The following SOX5 variants were observed in gnomAD, a reference collection of about 807,000 sequenced individuals.
SOX5 encodes the protein transcription factor SOX-5.
SOX5 carries 9 observed loss-of-function variants against 92.0 expected under a neutral mutation model. That is an observed-to-expected ratio of 0.10 (90% CI 0.06 to 0.17). The LOEUF (loss-of-function observed/expected upper bound fraction) is 0.17. Ranked by LOEUF, SOX5 falls within the 10% of genes least tolerant of loss-of-function variation. The pLI, the probability that SOX5 is intolerant of heterozygous loss-of-function variation, is 1.00. For synonymous variants in SOX5, 344 were observed against 336.3 expected, an observed-to-expected ratio of 1.02 and a Z score of -0.25; for missense variants, 642 against 944.5, an observed-to-expected ratio of 0.68 and a Z score of 4.20.
chr12:24,326,781 T>TACACACACAGACACACACAC (rs1306084119), intron 2 of SOX5, among the ~76,000 whole-genome samples: 2 of 42,406 alleles, frequency 4.7e-5, no homozygotes, highest in South Asian at 3.4e-3. Context: ...CACCCATTCA[T>TACACACACAGACACACACAC]ACACACACAT....
chr12:24,051,569 T>C (rs367975295), intron 4 of SOX5, among the ~76,000 whole-genome samples: 84 of 152,304 alleles, frequency 5.5e-4, no homozygotes, highest in African/African-American at 1.9e-3. Context: ...AGTAATTTTT[T>C]ACATTTAAGA....
At chr12:23,874,545 A>C (rs966453144) in intron 2 of SOX5, among the ~76,000 whole-genome samples, 2 of 152,232 alleles carry the variant, frequency 1.3e-5, no homozygotes, top group African/African-American at 4.8e-5. Flanking sequence ...CCATCCAGTA[A>C]AGACTTGTCA....
At chr12:24,028,016 A>G (rs17482141) in intron 4 of SOX5, among the ~76,000 whole-genome samples, 19,784 of 151,966 alleles carry the variant, frequency 0.13, 1,449 homozygotes, top group Non-Finnish European at 0.17. Flanking sequence ...TGCAATTCCT[A>G]GATTTCATCA....
chr12:23,917,888 A>G (rs1264973960), intron 1 of SOX5, among the ~76,000 whole-genome samples: 1 of 152,224 alleles, frequency 6.6e-6, no homozygotes, highest in East Asian at 1.9e-4. Flanking sequence ...AATGGAAATT[A>G]TAATGGTATG....
At chr12:23,700,103 C>T (rs1490174594) in intron 6 of SOX5, among the ~76,000 whole-genome samples, 1 of 152,152 alleles carries the variant, frequency 6.6e-6, no homozygotes, top group African/African-American at 2.4e-5. Flanking sequence ...ACCAGAACTG[C>T]TCTGTAAGCC....
At chr12:24,182,095 C>T (rs1049598941) in intron 4 of SOX5, among the ~76,000 whole-genome samples, 4 of 152,004 alleles carry the variant, frequency 2.6e-5, no homozygotes. Context: ...TGAATATGGT[C>T]CCCCAAATTT....
At chr12:24,178,218 C>T (rs1397537009) in intron 4 of SOX5, among the ~76,000 whole-genome samples, 2 of 148,128 alleles carry the variant, frequency 1.4e-5, no homozygotes, top group East Asian at 2.0e-4. Context: ...GTACAAACAC[C>T]TTAGAGTAAC....
At chr12:23,717,775 T>C (rs899880373) in intron 6 of SOX5, among the ~76,000 whole-genome samples, 1 of 152,172 alleles carries the variant, frequency 6.6e-6, no homozygotes, top group Non-Finnish European at 1.5e-5. Flanking sequence ...ATAAAGTAAA[T>C]ACAGCACATC....
At chr12:23,876,697 AT>A (rs1432797506) in intron 2 of SOX5, among the ~76,000 whole-genome samples, 1 of 152,218 alleles carries the variant, frequency 6.6e-6, no homozygotes, top group Admixed American at 6.5e-5. Flanking sequence ...ATGCACACTT[AT>A]GTTTATTGCA....
At chr12:23,941,270 C>A (rs1459406438) in intron 1 of SOX5, among the ~76,000 whole-genome samples, 3 of 151,482 alleles carry the variant, frequency 2.0e-5, no homozygotes, top group Non-Finnish European at 3.0e-5. Flanking sequence ...TTATAAAAGT[C>A]CAAATATGTT....
chr12:23,966,858 T>C (rs1043790331), intron 4 of SOX5, among the ~76,000 whole-genome samples: 1 of 152,164 alleles, frequency 6.6e-6, no homozygotes, highest in Non-Finnish European at 1.5e-5. Context: ...GTTTATAAAC[T>C]TTAAAAAGTA....
intron 4 of SOX5, among the ~76,000 whole-genome samples, chr12:24,112,820 A>C (rs1367996887): frequency 4.6e-5 from 7 of 151,906 alleles, no homozygotes; most frequent in Non-Finnish European, 8.8e-5. Flanking sequence ...GGTTCTAGGC[A>C]TGAGCCACCA....
At chr12:23,927,880 A>C (rs1940409786) in intron 1 of SOX5, among the ~76,000 whole-genome samples, 1 of 152,072 alleles carries the variant, frequency 6.6e-6, no homozygotes, top group African/African-American at 2.4e-5. Context: ...ATCCTCACAA[A>C]GTCACAAATA....
At chr12:24,140,301 G>C (rs1167171935) in intron 4 of SOX5, among the ~76,000 whole-genome samples, 2 of 152,058 alleles carry the variant, frequency 1.3e-5, no homozygotes, top group African/African-American at 4.8e-5. Flanking sequence ...TCAGAAAAAA[G>C]GGATCTGTTG....
upstream of SOX5, among the ~76,000 whole-genome samples, chr12:23,951,525 G>GA (rs201287042): frequency 6.6e-6 from 1 of 151,784 alleles, no homozygotes; most frequent in East Asian, 1.9e-4. Flanking sequence ...ATTCCAAAGA[G>GA]AAAAAAATCA....
At chr12:23,895,696 A>T in intron 2 of SOX5, 97 bp downstream of exon 2, 1 of 776,270 alleles carries the variant, frequency 1.3e-6, no homozygotes, top group Non-Finnish European at 2.2e-6. Context: ...GTTCTTAAGT[A>T]GATGTTAATT....
chr12:23,659,285 T>C (rs2082713998), intron 7 of SOX5, among the ~76,000 whole-genome samples: 1 of 152,212 alleles, frequency 6.6e-6, no homozygotes, highest in Non-Finnish European at 1.5e-5. Context: ...CCTGAGGAAG[T>C]TTATGGTATT....
At chr12:24,438,611 A>G (rs1301835291) in intron 1 of SOX5, among the ~76,000 whole-genome samples, 8 of 152,210 alleles carry the variant, frequency 5.3e-5, no homozygotes, top group African/African-American at 1.9e-4. Flanking sequence ...CAACATTAAC[A>G]GGAGTTTGGA....
chr12:24,108,751 G>A (rs898021115), intron 4 of SOX5, among the ~76,000 whole-genome samples: 4 of 152,106 alleles, frequency 2.6e-5, no homozygotes, highest in African/African-American at 9.7e-5. Context: ...CTCTACCAGT[G>A]TTTAAGTCCT....
Sources: allele counts gnomAD v4.1 joint callset (sites outside exome capture counted in the v4.1 genomes callset), GRCh38; gene constraint gnomAD v4.1.1; transcripts MANE v1.5; gene names NCBI Gene and HGNC (gene_info 2026-07-23, HGNC 2026-07-21).